The following OPRL1 variants were observed in gnomAD, a reference collection of about 807,000 sequenced individuals.
OPRL1 encodes nociceptin receptor.
Under a neutral mutation model 15.5 loss-of-function variants are expected in OPRL1, and 5 were observed. The ratio of observed to expected loss-of-function variants is 0.32; its 90% CI spans 0.17 to 0.68. The LOEUF (loss-of-function observed/expected upper bound fraction) is 0.68, where lower values mean the gene tolerates loss of function less well. OPRL1 is among the 30% of genes least tolerant of loss of function. The pLI is 0.72. For synonymous variants in OPRL1, 223 were observed against 230.2 expected (o/e 0.97, Z 0.28); for missense variants, 406 against 515.3 (o/e 0.79, Z 2.05).
In OPRL1 at chr20:64,083,140, G is replaced by A. The variant is rs1200138837; in HGVS notation, c.-185+2788G>A. Among the ~76,000 whole-genome samples the A allele has an allele frequency of 6.6e-6, 1 of 152,178 alleles. No individual in the cohort carries two copies. Among genetic ancestry groups the A allele is most frequent in the Non-Finnish European group, 1.5e-5 (1 of 68,028 alleles). On this transcript the variant is annotated intron_variant, in intron 1 of 4. Coordinates refer to ENST00000336866, the MANE Select transcript of OPRL1 (RefSeq NM_182647.4). This position sits in a 1 kb window ranked among gnomAD's most constrained non-coding sequence, Gnocchi z 4.9. Reference sequence around the variant, plus strand: ...CTTTCTCCGTCCTCCCCAAGACTGGGGGCCTCCCATAGACCCACAGAACGC... The same window carrying A: ...CTTTCTCCGTCCTCCCCAAGACTGGAGGCCTCCCATAGACCCACAGAACGC...
chr20:64,084,147 C>G (rs2060012527), intron 1 of OPRL1: 2 of 1,457,818 alleles, frequency 1.4e-6, no homozygotes, highest in Non-Finnish European at 1.8e-6. Context: ...TCACCCTGCG[C>G]CGTGCCTGGC....
intron 1 of OPRL1, among the ~76,000 whole-genome samples, chr20:64,091,733 C>T (rs963118443): frequency 1.3e-5 from 2 of 152,104 alleles, no homozygotes; most frequent in South Asian, 2.1e-4. Flanking sequence ...TCTGTGAACC[C>T]GTGGGCATCT....
At chr20:64,087,030 C>T (rs1007377467) in intron 1 of OPRL1, among the ~76,000 whole-genome samples, 3 of 152,208 alleles carry the variant, frequency 2.0e-5, no homozygotes, top group Non-Finnish European at 2.9e-5. Flanking sequence ...GAATCTCACC[C>T]CGGAACCCAG....
chr20:64,081,555 C>T (rs2059967800), intron 1 of OPRL1, among the ~76,000 whole-genome samples: 1 of 152,212 alleles, frequency 6.6e-6, no homozygotes. Flanking sequence ...TCTCCACCGC[C>T]CTGGCTTCTG....
chr20:64,093,277 C>T (rs1368383620), intron 3 of OPRL1, among the ~76,000 whole-genome samples: 4 of 150,754 alleles, frequency 2.7e-5, no homozygotes, highest in Non-Finnish European at 4.4e-5. Context: ...GATCCCACAG[C>T]GGCCCTGGGA....
At chr20:64,092,615 C>T (rs1041299225) in intron 2 of OPRL1, 73 bp from the exon 3 acceptor site, 43 of 1,183,854 alleles carry the variant, frequency 3.6e-5, no homozygotes, top group African/African-American at 4.6e-5. Flanking sequence ...CTGGGCTGCA[C>T]GTGCTGGGTT....
At position 64,098,394 on chromosome 20, in the gene OPRL1, C is replaced by T; in HGVS notation, c.708C>T (p.Ser236=). 6.2e-7 allele frequency: 1 copy of T among 1,613,800 alleles called. No individual in the cohort carries two copies. Among genetic ancestry groups the T allele is most frequent in the Non-Finnish European group, 8.5e-7 (1 of 1,180,030 alleles). ...VPVLVISVCY[S]LMIRRLRGVR... The stretch of plus-strand genomic sequence containing the variant: ...TGCTCGTCATCTCTGTCTGCTACAG[C>T]CTCATGATCCGGCGGCTCCGTGGAG... Residue 236 remains serine (S), a synonymous_variant, in exon 5 of 5, where the codon AGC becomes AGT. Transcript: ENST00000336866.
At chr20:64,085,229 G>C (rs1569270233) in intron 1 of OPRL1, 1 of 152,238 alleles carries the variant, frequency 6.6e-6, no homozygotes, top group East Asian at 1.9e-4. Flanking sequence ...GGGTCTTTGG[G>C]GTTAGTTTTG....
chr20:64,083,912 G>A lies in OPRL1; in HGVS notation c.-185+3560G>A, dbSNP rs991574598. The A allele has an allele frequency of 1.4e-5, 20 of 1,447,334 alleles. No homozygotes were observed. Among genetic ancestry groups the A allele is most frequent in the African/African-American group, 1.0e-4 (7 of 67,358 alleles). The allele number at this position is 1,447,334 out of a possible 1,614,324, so 89.7% of individuals were successfully genotyped here. A position where few individuals can be genotyped will look rare whatever the true frequency, so the allele number is the denominator to read the frequency against. Reference sequence around the variant, plus strand: ...GAGGAGCCGGTTCTGGCGCTCGGCGGGCAGCTCGAGCGACTGCGTCCACGG... The same window carrying A: ...GAGGAGCCGGTTCTGGCGCTCGGCGAGCAGCTCGAGCGACTGCGTCCACGG... On this transcript the variant is annotated intron_variant, in intron 1 of 4. Transcript: ENST00000336866. The surrounding 1 kb of genome is among the most constrained non-coding windows in gnomAD (Gnocchi z 4.9).
Position 64,097,142 on chromosome 20 carries a change from T to C in OPRL1, c.234-660T>C, listed in dbSNP as rs963625414. ...ATCACCACCACCATCACCACCATAATCCCCCCCAACTATTACAACCATTAA... is the reference window on the plus strand; with the variant it reads ...ATCACCACCACCATCACCACCATAACCCCCCCCAACTATTACAACCATTAA... On this transcript the variant is annotated intron_variant, in intron 3 of 4. Coordinates refer to ENST00000336866, the MANE Select transcript of OPRL1 (RefSeq NM_182647.4). The surrounding 1 kb of genome is among the most constrained non-coding windows in gnomAD (Gnocchi z 4.2). Among the ~76,000 whole-genome samples, 5 of 122,086 alleles carry C rather than the reference T, an allele frequency of 4.1e-5. No individual in the cohort carries two copies. The East Asian group carries it at 1.1e-3, about 28-fold the overall frequency. The allele number at this position is 122,086 out of a possible 152,430, so 80.1% of individuals were successfully genotyped here.
intron 1 of OPRL1, chr20:64,084,048 G>A (rs755866413): frequency 6.7e-7 from 1 of 1,501,082 alleles, no homozygotes; most frequent in Non-Finnish European, 8.8e-7. Flanking sequence ...CGGTGGCGCT[G>A]CGCAGGGAGC....
chr20:64,098,528 T>G lies in OPRL1; in HGVS notation c.842T>G (p.Val281Gly). 4 of 1,612,728 alleles carry G rather than the reference T, an allele frequency of 2.5e-6. No individual in the cohort carries two copies. Among genetic ancestry groups the G allele is most frequent in the Non-Finnish European group, 3.4e-6 (4 of 1,179,982 alleles). ...GTGGGCTGCTGGACGCCTGTCCAGG[T>G]CTTCGTGCTGGCCCAAGGGCTGGGG... ...VFVGCWTPVQ[V>G]FVLAQGLGVQ... Residue 281 changes from valine to glycine, a missense_variant, in exon 5 of 5, where the codon GTC (valine) becomes GGC (glycine). By Grantham distance (109) the Val-to-Gly change is moderately radical. Coordinates refer to ENST00000336866, the MANE Select transcript of OPRL1 (RefSeq NM_182647.4).
At chr20:64,084,114 C>T (rs1488534719) in intron 1 of OPRL1, 1 of 1,471,578 alleles carries the variant, frequency 6.8e-7, no homozygotes, top group East Asian at 3.0e-5. Flanking sequence ...GGCTCTGTCG[C>T]GGGCGCCCCC....
In OPRL1 at chr20:64,083,277, C is replaced by G; in HGVS notation, c.-185+2925C>G. On this transcript the variant is annotated intron_variant, in intron 1 of 4. Transcript: ENST00000336866. The surrounding 1 kb of genome is among the most constrained non-coding windows in gnomAD (Gnocchi z 4.9). ...ACTTTTTTGGGAGAGGCCCCACTCT[C>G]TGTACCCTGATGTCTGTGAGGTGCA... The G allele has an allele frequency of 8.9e-7, 1 of 1,119,564 alleles. No homozygotes were observed. Among genetic ancestry groups the G allele is most frequent in the Non-Finnish European group, 1.3e-6 (1 of 785,130 alleles). 69.4% of individuals were successfully genotyped at this position (1,119,564 alleles called of 1,614,324 possible).
chr20:64,083,965 T>C lies in OPRL1; in HGVS notation c.-185+3613T>C. On this transcript the variant is annotated intron_variant, in intron 1 of 4. Transcript: ENST00000336866. The surrounding 1 kb of genome is among the most constrained non-coding windows in gnomAD (Gnocchi z 4.9). ...GCGGGTCGGGCATGCGGTACCCCGGTTCCACCGACCCGCACGGGAAGGTGG... is the reference window on the plus strand; with the variant it reads ...GCGGGTCGGGCATGCGGTACCCCGGCTCCACCGACCCGCACGGGAAGGTGG... 1 of 1,468,212 alleles carries C rather than the reference T, an allele frequency of 6.8e-7. No individual in the cohort carries two copies. The highest frequency in any genetic ancestry group is 9.0e-7 in the Non-Finnish European group (1 of 1,117,278). The allele number at this position is 1,468,212 out of a possible 1,614,324, so 90.9% of individuals were successfully genotyped here. A position where few individuals can be genotyped will look rare whatever the true frequency, so the allele number is the denominator to read the frequency against.
At chr20:64,084,280 G>A in intron 1 of OPRL1, 1 of 1,313,578 alleles carries the variant, frequency 7.6e-7, no homozygotes, top group Non-Finnish European at 9.7e-7. Flanking sequence ...ACCGGGCCCT[G>A]CCCGCCCCTC....
rs374139155 is a variant in OPRL1, at chr20:64,089,001, G to A, written c.-184-2965G>A. Among the ~76,000 whole-genome samples the A allele has an allele frequency of 4.7e-5, 7 of 147,806 alleles. No individual in the cohort carries two copies. The highest frequency in any genetic ancestry group is 1.7e-4 in the African/African-American group (7 of 40,086). Reference sequence around the variant, plus strand: ...AGGATCTTTGCAGGGGGGACAGGTTGTGTGCAGGCAGGTGCGCAGGGTCAA... The same window carrying A: ...AGGATCTTTGCAGGGGGGACAGGTTATGTGCAGGCAGGTGCGCAGGGTCAA... On this transcript the variant is annotated intron_variant, in intron 1 of 4. Transcript: ENST00000336866. The surrounding 1 kb of genome is among the most constrained non-coding windows in gnomAD (Gnocchi z 5.5).
chr20:64,095,390 ATGGGGGGCAGCG>A (rs1339613418), intron 3 of OPRL1, among the ~76,000 whole-genome samples: 1 of 50,396 alleles, frequency 2.0e-5, no homozygotes, highest in East Asian at 6.2e-4. Flanking sequence ...TGGGCACAGC[ATGGGGGGCAGCG>A]TGGGGGTGGG....
In OPRL1 at chr20:64,083,562, C is replaced by T; in HGVS notation, c.-185+3210C>T. 1 of 1,528,522 alleles carries T rather than the reference C, an allele frequency of 6.5e-7. No homozygotes were observed. Among genetic ancestry groups the T allele is most frequent in the Admixed American group, 2.1e-5 (1 of 47,476 alleles). 94.7% of individuals were successfully genotyped at this position (1,528,522 alleles called of 1,614,324 possible). A position where few individuals can be genotyped will look rare whatever the true frequency, so the allele number is the denominator to read the frequency against. On this transcript the variant is annotated intron_variant, in intron 1 of 4. Transcript: ENST00000336866. This position sits in a 1 kb window ranked among gnomAD's most constrained non-coding sequence, Gnocchi z 4.9. ...GCAGGGCCCCTCCCCTTTCCCCGCC[C>T]CTACCGGGGCTTGTCTGCACCTCTT...
Sources: allele counts gnomAD v4.1 joint callset (sites outside exome capture counted in the v4.1 genomes callset), GRCh38; gene constraint gnomAD v4.1.1; non-coding constraint Gnocchi (gnomAD v3.1); transcripts MANE v1.5; gene names NCBI Gene and HGNC (gene_info 2026-07-23, HGNC 2026-07-21).